TLN2: variants seen among roughly 807,000 people sequenced by gnomAD.
The protein encoded by TLN2 is talin-2.
Under a neutral mutation model 294.7 loss-of-function variants are expected in TLN2, and 118 were observed. The ratio of observed to expected loss-of-function variants is 0.40; its 90% CI spans 0.34 to 0.47. The LOEUF is 0.47. Among genes scored for constraint, TLN2 ranks in the 20% least tolerant of loss-of-function variants. The pLI, the probability that TLN2 is intolerant of heterozygous loss-of-function variation, is 0.84. For missense variants in TLN2, 3,083 were observed against 3,282.2 expected, an observed-to-expected ratio of 0.94 and a Z score of 1.48; for synonymous variants, 1,431 against 1,304.5, an observed-to-expected ratio of 1.10 and a Z score of -2.09.
intron 1 of TLN2, among the ~76,000 whole-genome samples, chr15:62,401,258 G>A (rs1340787914): frequency 4.6e-5 from 7 of 151,986 alleles, no homozygotes; most frequent in African/African-American, 1.2e-4. Flanking sequence ...GCAGGTGAAC[G>A]TTTATTCTGT....
At chr15:62,706,871 A>G (rs1054105375) in intron 19 of TLN2, among the ~76,000 whole-genome samples, 3 of 152,232 alleles carry the variant, frequency 2.0e-5, no homozygotes, top group African/African-American at 7.2e-5. Flanking sequence ...ATTTAAACCT[A>G]TGCTACTTAA....
intron 52 of TLN2, among the ~76,000 whole-genome samples, chr15:62,818,406 T>C (rs2067286225): frequency 6.6e-6 from 1 of 152,152 alleles, no homozygotes; most frequent in Admixed American, 6.5e-5. Flanking sequence ...GAGGAAGGGA[T>C]AGGATGGTGT....
chr15:62,641,552 G>A (rs1231718944), intron 3 of TLN2, among the ~76,000 whole-genome samples: 2 of 152,080 alleles, frequency 1.3e-5, no homozygotes, highest in Non-Finnish European at 2.9e-5. Flanking sequence ...CTACTCGGGA[G>A]GCAGAGGTTG....
intron 19 of TLN2, among the ~76,000 whole-genome samples, chr15:62,705,243 G>A (rs767113523): frequency 1.9e-4 from 29 of 152,166 alleles, no homozygotes; most frequent in Middle Eastern, 3.2e-3. Context: ...AGCTCTCTAG[G>A]TAAAGACCAG....
At chr15:62,691,254 T>C (rs1288616375) in intron 12 of TLN2, among the ~76,000 whole-genome samples, 1 of 152,220 alleles carries the variant, frequency 6.6e-6, no homozygotes, top group African/African-American at 2.4e-5. Context: ...GTTACTGTCC[T>C]ATAAGTCCGT....
rs1567728945 is a variant in TLN2, at chr15:62,840,556, C to T, written c.7575C>T (p.Ile2525=). ...AAGCAAGGAAAAAACTGGCCCAAAT[C>T]CGCCAGCAGCAGTATAAGTTTTTAC... The part of the protein sequence containing the change: ...LEEARKKLAQ[I]RQQQYKFLPT... The change falls in exon 59 of 59, where the codon ATC becomes ATT. Residue 2525 remains isoleucine, a synonymous_variant. Transcript: ENST00000636159. The T allele has an allele frequency of 1.2e-6, 2 of 1,614,192 alleles. No individual in the cohort carries two copies.
chr15:62,588,706 A>ATG (rs2045855274), intron 1 of TLN2, among the ~76,000 whole-genome samples: 2 of 113,284 alleles, frequency 1.8e-5, no homozygotes, highest in South Asian at 2.9e-4. Flanking sequence ...ATATATATAT[A>ATG]TGAAATATAC....
At chr15:62,669,323 G>A (rs1596595530) in intron 9 of TLN2, among the ~76,000 whole-genome samples, 2 of 152,306 alleles carry the variant, frequency 1.3e-5, no homozygotes, top group East Asian at 3.9e-4. Flanking sequence ...CAAATACAGT[G>A]GACTTGACCA....
intron 1 of TLN2, among the ~76,000 whole-genome samples, chr15:62,459,356 TCA>T (rs1391220370): frequency 1.4e-5 from 2 of 146,730 alleles, no homozygotes; most frequent in Non-Finnish European, 3.0e-5. Flanking sequence ...TCTTTCTACC[TCA>T]CAGGGCAGAC....
intron 50 of TLN2, among the ~76,000 whole-genome samples, chr15:62,802,197 A>G (rs1295528750): frequency 6.6e-6 from 1 of 151,828 alleles, no homozygotes; most frequent in African/African-American, 2.4e-5. Context: ...TTTCTGTCAC[A>G]AATAAGTGAG....
At chr15:62,712,171 T>C in intron 22 of TLN2, 94 bp downstream of exon 22, 1 of 1,477,720 alleles carries the variant, frequency 6.8e-7, no homozygotes, top group Non-Finnish European at 9.1e-7. Context: ...CATCCGAGTG[T>C]GCATTTTTGT....
At chr15:62,546,716 G>T (rs993869219) in intron 1 of TLN2, among the ~76,000 whole-genome samples, 5 of 152,208 alleles carry the variant, frequency 3.3e-5, no homozygotes, top group Non-Finnish European at 4.4e-5. Context: ...TTGGTCAGTG[G>T]CCACACAGCG....
chr15:62,690,124 C>T (rs1319515188), intron 12 of TLN2: 14 of 132,268 alleles, frequency 1.1e-4, no homozygotes, highest in East Asian at 4.9e-4. Context: ...CCCTCCCGGA[C>T]GGGGCGGCTG....
chr15:62,840,972 T>C lies in TLN2; in HGVS notation c.*362T>C, dbSNP rs1386482109. 3 of 172,194 alleles carry C rather than the reference T, an allele frequency of 1.7e-5. No homozygotes were observed. The highest frequency in any genetic ancestry group is 2.5e-5 in the Non-Finnish European group (2 of 81,442). 10.7% of individuals were successfully genotyped at this position (172,194 alleles called of 1,614,324 possible). Reference sequence around the variant, plus strand: ...TCTTAGGCCTGCTCCTGGACCTCTTTATGATATTGTGATAGGGAAAAAAAT... The same window carrying C: ...TCTTAGGCCTGCTCCTGGACCTCTTCATGATATTGTGATAGGGAAAAAAAT... On this transcript the variant is annotated 3_prime_UTR_variant, in exon 59 of 59. Transcript: ENST00000636159.
intron 41 of TLN2, 42 bp from the exon 42 acceptor site, chr15:62,770,922 T>G (rs536654929): frequency 5.1e-6 from 8 of 1,582,176 alleles, no homozygotes; most frequent in African/African-American, 1.4e-5. Context: ...GACACGTGTA[T>G]TTACATGATA....
At chr15:62,526,992 A>G (rs1212094380) in intron 1 of TLN2, among the ~76,000 whole-genome samples, 7 of 152,210 alleles carry the variant, frequency 4.6e-5, no homozygotes, top group African/African-American at 1.7e-4. Context: ...GTATATTTAC[A>G]ATATACATAC....
At chr15:62,532,373 A>T (rs1419693506) in intron 1 of TLN2, among the ~76,000 whole-genome samples, 1 of 152,138 alleles carries the variant, frequency 6.6e-6, no homozygotes, top group Non-Finnish European at 1.5e-5. Context: ...CTGGGATTAC[A>T]GGTGTGAGCC....
chr15:62,793,507 G>A (rs1185934581), intron 46 of TLN2, among the ~76,000 whole-genome samples: 1 of 152,162 alleles, frequency 6.6e-6, no homozygotes. Flanking sequence ...ATGTGTAAAA[G>A]TGCCTGGTAC....
intron 42 of TLN2, among the ~76,000 whole-genome samples, chr15:62,776,284 A>G (rs913526345): frequency 7.9e-5 from 12 of 152,220 alleles, no homozygotes; most frequent in Non-Finnish European, 1.6e-4. Context: ...TTCAAAGCCT[A>G]TTAGGCACTC....
Sources: allele counts gnomAD v4.1 joint callset (sites outside exome capture counted in the v4.1 genomes callset), GRCh38; gene constraint gnomAD v4.1.1; transcripts MANE v1.5; gene names NCBI Gene and HGNC (gene_info 2026-07-23, HGNC 2026-07-21).